Variants in SYNE3 observed in about 807,000 individuals in gnomAD.
SYNE3 encodes the protein spectrin repeat containing nuclear envelope family member 3.
In SYNE3, 100 loss-of-function variants were observed where a neutral mutation model predicts 111.2. The ratio of observed to expected loss-of-function variants is 0.90; its 90% CI spans 0.77 to 1.06. SYNE3 has a LOEUF of 1.06. Among genes scored for constraint, SYNE3 ranks in the 50% least tolerant of loss-of-function variants. SYNE3 has a pLI of 0.00. For missense variants in SYNE3, 1,160 were observed against 1,240.3 expected (o/e 0.94, Z 0.97); for synonymous variants, 547 against 533.9 (o/e 1.02, Z -0.34).
intron 1 of SYNE3, among the ~76,000 whole-genome samples, chr14:95,486,734 C>T (rs1012818248): frequency 6.6e-6 from 1 of 152,224 alleles, no homozygotes; most frequent in African/African-American, 2.4e-5. Flanking sequence ...CAGCCTTCTA[C>T]TAGATGAACA....
intron 17 of SYNE3, among the ~76,000 whole-genome samples, chr14:95,423,823 G>T (rs1392242565): frequency 8.0e-6 from 1 of 124,456 alleles, no homozygotes; most frequent in Non-Finnish European, 1.7e-5. Context: ...GATTTGGTAG[G>T]CATGGGGATT....
rs1395814058 is a variant in SYNE3 at position 95,457,170 on chromosome 14, G to A, written c.789+7C>T. On this transcript the variant is annotated splice_region_variant and intron_variant, in intron 5 of 17. Coordinates refer to ENST00000682763, the MANE Select transcript of SYNE3 (RefSeq NM_152592.6). ...GTCCCTCTGGTTGAGACACAGCTGG[G>A]GATTACCTGCAGTGTGGAGAGGCGC... 6.2e-7 allele frequency: 1 copy of A among 1,612,964 alleles called. No individual in the cohort carries two copies. The highest frequency in any genetic ancestry group is 1.3e-5 in the African/African-American group (1 of 74,886).
intron 1 of SYNE3, among the ~76,000 whole-genome samples, chr14:95,508,175 G>T (rs1204142313): frequency 6.6e-6 from 1 of 152,236 alleles, no homozygotes; most frequent in African/African-American, 2.4e-5. Flanking sequence ...AGGTAGCTGA[G>T]GGTGGGTTAC....
chr14:95,504,090 T>G (rs530554381), intron 1 of SYNE3, among the ~76,000 whole-genome samples: 1 of 152,336 alleles, frequency 6.6e-6, no homozygotes, highest in African/African-American at 2.4e-5. Flanking sequence ...TTTAAGTTGT[T>G]GGAAAAAATC....
intron 1 of SYNE3, among the ~76,000 whole-genome samples, chr14:95,477,119 G>T (rs1311774764): frequency 6.6e-6 from 1 of 152,158 alleles, no homozygotes; most frequent in African/African-American, 2.4e-5. Context: ...GGCTGGGGCC[G>T]GGCATGGTGG....
In SYNE3 at chr14:95,417,903, G is replaced by A. The variant is rs200254064; in HGVS notation, c.2851C>T (p.Arg951Cys). 1.4e-5 allele frequency: 23 copies of A among 1,614,178 alleles called. No individual in the cohort carries two copies. Among genetic ancestry groups the A allele is most frequent in the Admixed American group, 1.7e-5 (1 of 60,030 alleles). Residue 951 changes from arginine (R) to cysteine (C), a missense_variant, in exon 18 of 18, where the codon CGC becomes TGC. Physicochemically the swap from Arg to Cys is radical, Grantham distance 180. Transcript: ENST00000682763. ...AAGTTGTTGGCCAGGGTGCAGCTGC[G>A]GTCCTCTTCCCTGATTGGGAGCAGG... is the stretch of plus-strand genomic sequence containing the variant. ...LFLLPIREED[R>C]SCTLANNFAR...
intron 1 of SYNE3, among the ~76,000 whole-genome samples, chr14:95,487,938 A>C (rs1427029893): frequency 7.9e-6 from 1 of 126,170 alleles, no homozygotes; most frequent in Non-Finnish European, 1.7e-5. Flanking sequence ...CCTCCTCCTC[A>C]GCCTACTCAA....
intron 2 of SYNE3, among the ~76,000 whole-genome samples, chr14:95,469,806 T>C (rs1034023373): frequency 2.6e-5 from 4 of 152,230 alleles, no homozygotes; most frequent in African/African-American, 4.8e-5. Flanking sequence ...TGAACAATTA[T>C]GTAGACCCTT....
chr14:95,434,225 T>C (rs969385083), intron 15 of SYNE3, among the ~76,000 whole-genome samples: 6 of 151,862 alleles, frequency 4.0e-5, no homozygotes, highest in African/African-American at 1.5e-4. Context: ...ATAAAAGTAT[T>C]AACAAAAGAA....
chr14:95,466,407 T>G (rs1471284645), intron 3 of SYNE3, among the ~76,000 whole-genome samples, 167 bp from the exon 4 acceptor site: 1 of 152,134 alleles, frequency 6.6e-6, no homozygotes, highest in African/African-American at 2.4e-5. Flanking sequence ...ACACTCCAGA[T>G]TCTAGACCCT....
Position 95,491,435 on chromosome 14 carries a change from C to T in SYNE3, c.-14-15600G>A, listed in dbSNP as rs538610138. On this transcript the variant is annotated intron_variant, in intron 1 of 17. Coordinates refer to ENST00000682763, the MANE Select transcript of SYNE3 (RefSeq NM_152592.6). ...AACAATCAACCCTTGTATTTACAGA[C>T]AGTTAATTTTCAACAAGGGTGCCAA... is the stretch of plus-strand genomic sequence containing the variant. Among the ~76,000 whole-genome samples the T allele has an allele frequency of 3.9e-5, 6 of 152,254 alleles. No homozygotes were observed. In the South Asian group the frequency reaches 1.2e-3, roughly 32 times the overall value.
chr14:95,502,314 G>T (rs1890368087), intron 1 of SYNE3, among the ~76,000 whole-genome samples: 1 of 126,482 alleles, frequency 7.9e-6, no homozygotes, highest in Admixed American at 1.0e-4. Context: ...TGGGTTCCCA[G>T]AGCCTGTGTC....
At chr14:95,449,562 G>A (rs977303337) in intron 8 of SYNE3, 1 of 985,360 alleles carries the variant, frequency 1.0e-6, no homozygotes, top group Non-Finnish European at 1.2e-6. Flanking sequence ...TGGACTGCCT[G>A]AATGTCGCTG....
rs1236433224 is a variant in SYNE3 at position 95,485,436 on chromosome 14, CG to C, written c.-14-9602del. Among the ~76,000 whole-genome samples the C allele has an allele frequency of 2.0e-5, 3 of 152,226 alleles. No homozygotes were observed. Among genetic ancestry groups the C allele is most frequent in the Non-Finnish European group, 4.4e-5 (3 of 68,024 alleles). Reference sequence around the variant, plus strand: ...TGAGGCATTCACTTGAGAGTGAGAACGCACACATTCCTCAGATGCCCTGAAG... The same window carrying C: ...TGAGGCATTCACTTGAGAGTGAGAACCACACATTCCTCAGATGCCCTGAAG... On this transcript the variant is annotated intron_variant, in intron 1 of 17. Coordinates refer to ENST00000682763, the MANE Select transcript of SYNE3 (RefSeq NM_152592.6). The surrounding 1 kb of genome is among the most constrained non-coding windows in gnomAD (Gnocchi z 4.3).
rs1885800502 is a variant in SYNE3, at chr14:95,432,057, GAGC to G, written c.2727+19_2727+21del. 1 of 1,609,500 alleles carries G rather than the reference GAGC, an allele frequency of 6.2e-7. No homozygotes were observed. On this transcript the variant is annotated intron_variant, in intron 17 of 17. Transcript: ENST00000682763. ...AGGCACCCTGCCTGCTAGCCGTGTG[GAGC>G]AGATGGCAGACACTGTACCTTTTGG...
chr14:95,480,250 G>A (rs1433908261), intron 1 of SYNE3, among the ~76,000 whole-genome samples: 4 of 152,242 alleles, frequency 2.6e-5, no homozygotes, highest in Non-Finnish European at 5.9e-5. Flanking sequence ...TCCCCACTGA[G>A]TCAGTGAGAG....
At chr14:95,437,662 T>G (rs1300645854) in intron 14 of SYNE3, 3 of 152,108 alleles carry the variant, frequency 2.0e-5, no homozygotes, top group Non-Finnish European at 2.9e-5. Context: ...ACCATGTTTT[T>G]TTTGTTTGTT....
intron 15 of SYNE3, among the ~76,000 whole-genome samples, 167 bp downstream of exon 15, chr14:95,436,653 A>G (rs1369855392): frequency 6.6e-6 from 1 of 152,246 alleles, no homozygotes. Context: ...ATGCCAGAAA[A>G]AGTTCTAAAA....
rs778950631 is a variant in SYNE3, at chr14:95,443,300, G to A, written c.1777-11C>T. The stretch of plus-strand genomic sequence containing the variant: ...CTCTTCCTGCAGCCCCTGCAGTAGA[G>A]AAGGGAACAGGTAGGCTAATCTTCC... On this transcript the variant is annotated splice_polypyrimidine_tract_variant and intron_variant, in intron 10 of 17. Transcript: ENST00000682763. 6 of 1,614,034 alleles carry A rather than the reference G, an allele frequency of 3.7e-6. No individual in the cohort carries two copies. In the African/African-American group the frequency reaches 8.0e-5, roughly 22 times the overall value.
Sources: gnomAD v4.1 joint callset for allele counts (sites outside exome capture counted in the v4.1 genomes callset) on GRCh38, gnomAD v4.1.1 for gene constraint, Gnocchi (gnomAD v3.1) non-coding constraint, MANE v1.5 for transcripts, NCBI Gene and HGNC (gene_info 2026-07-23, HGNC 2026-07-21) for gene names.